TRAPPC12: variants seen among roughly 807,000 people sequenced by gnomAD.
TRAPPC12 encodes the protein TPR repeat protein 15.
A neutral mutation model predicts 69.2 loss-of-function variants in TRAPPC12; 61 were observed. The observed-to-expected ratio is 0.88, with a 90% CI of 0.72 to 1.09. The LOEUF is 1.09. Among genes scored for constraint, TRAPPC12 ranks in the 50% least tolerant of loss-of-function variants. TRAPPC12 has a pLI of 0.00. For missense variants in TRAPPC12, 1,101 were observed against 1,016.4 expected (o/e 1.08, Z -1.13); for synonymous variants, 469 against 438.9 (o/e 1.07, Z -0.86).
intron 5 of TRAPPC12, among the ~76,000 whole-genome samples, chr2:3,432,674 G>A (rs377708421): frequency 6.6e-5 from 10 of 152,210 alleles, no homozygotes; most frequent in African/African-American, 2.2e-4. Flanking sequence ...GAGAAGGCTC[G>A]TTAGTTCATC....
At position 3,473,206 on chromosome 2, in the gene TRAPPC12, G is replaced by T. The variant is rs115901523; in HGVS notation, c.1777-4489G>T. On this transcript the variant is annotated intron_variant, in intron 9 of 11. Transcript: ENST00000324266. Reference sequence around the variant, plus strand: ...GGTGAGGGGGGGTCAGGGGAAAGGAGAGCACCCCTGGGGCCGGCTCTGCTG... The same window carrying T: ...GGTGAGGGGGGGTCAGGGGAAAGGATAGCACCCCTGGGGCCGGCTCTGCTG... Among the ~76,000 whole-genome samples, 273 of 152,312 alleles carry T rather than the reference G, an allele frequency of 1.8e-3. 5 individuals carry two copies. Among genetic ancestry groups the T allele is most frequent in the East Asian group, 0.01 (53 of 5,164 alleles).
At chr2:3,472,855 G>A (rs969139737) in intron 9 of TRAPPC12, among the ~76,000 whole-genome samples, 1 of 152,156 alleles carries the variant, frequency 6.6e-6, no homozygotes, top group Admixed American at 6.5e-5. Context: ...TGACAACCAG[G>A]GACCAGGGTC....
At chr2:3,461,463 G>A (rs1033712538) in intron 8 of TRAPPC12, among the ~76,000 whole-genome samples, 10 of 152,208 alleles carry the variant, frequency 6.6e-5, no homozygotes, top group East Asian at 1.9e-4. Flanking sequence ...GGTAGCAAGC[G>A]ACCGTGACGC....
At chr2:3,438,859 T>G (rs1664041645) in intron 5 of TRAPPC12, among the ~76,000 whole-genome samples, 1 of 152,130 alleles carries the variant, frequency 6.6e-6, no homozygotes, top group Non-Finnish European at 1.5e-5. Flanking sequence ...TTGCTTCTGG[T>G]TTTTGACAAT....
intron 3 of TRAPPC12, among the ~76,000 whole-genome samples, chr2:3,405,091 G>A (rs989715055): frequency 4.6e-5 from 7 of 151,538 alleles, no homozygotes; most frequent in East Asian, 1.9e-4. Flanking sequence ...CATGGCCTGC[G>A]GAGGTGACTT....
chr2:3,476,941 C>T (rs181568278), intron 9 of TRAPPC12, among the ~76,000 whole-genome samples: 2 of 152,382 alleles, frequency 1.3e-5, no homozygotes, highest in East Asian at 3.9e-4. Flanking sequence ...GTGAGCGCGG[C>T]TTGGGCCATA....
intron 1 of TRAPPC12, among the ~76,000 whole-genome samples, chr2:3,385,122 C>T (rs1660434477): frequency 6.6e-6 from 1 of 152,060 alleles, no homozygotes; most frequent in Admixed American, 6.5e-5. Flanking sequence ...ATATGTATGT[C>T]TTCCCATTCA....
At chr2:3,463,770 C>T (rs111424152) in intron 8 of TRAPPC12, among the ~76,000 whole-genome samples, 42 of 151,978 alleles carry the variant, frequency 2.8e-4, no homozygotes, top group African/African-American at 8.4e-4. Context: ...GTGACACTGC[C>T]GGGCTGATAA....
intron 5 of TRAPPC12, among the ~76,000 whole-genome samples, chr2:3,433,567 A>G (rs1033109045): frequency 2.0e-5 from 3 of 152,206 alleles, no homozygotes; most frequent in African/African-American, 7.2e-5. Context: ...GGAAGGTAGC[A>G]TACCCCACTG....
At chr2:3,466,493 C>G (rs931547616) in intron 9 of TRAPPC12, 2 of 426,992 alleles carry the variant, frequency 4.7e-6, no homozygotes, top group African/African-American at 4.1e-5. Context: ...TATCCAGCTA[C>G]AGGAGGCCAC....
chr2:3,422,510 G>A (rs62120501), intron 4 of TRAPPC12, among the ~76,000 whole-genome samples: 25,633 of 152,238 alleles, frequency 0.17, 2,474 homozygotes, highest in Non-Finnish European at 0.22. Flanking sequence ...AGCTGCAAAC[G>A]TTGATACATT....
intron 5 of TRAPPC12, among the ~76,000 whole-genome samples, chr2:3,430,758 A>G (rs1663383907): frequency 6.6e-6 from 1 of 152,286 alleles, no homozygotes; most frequent in Non-Finnish European, 1.5e-5. Flanking sequence ...AATAAATGCA[A>G]AGAAATCATG....
At chr2:3,380,110 T>C (rs1660135979) in intron 1 of TRAPPC12, among the ~76,000 whole-genome samples, 1 of 152,158 alleles carries the variant, frequency 6.6e-6, no homozygotes, top group Non-Finnish European at 1.5e-5. Context: ...TGCAGAGGGC[T>C]GGAAGCGTCT....
At chr2:3,428,305 A>T (rs949848807) in intron 5 of TRAPPC12, among the ~76,000 whole-genome samples, 3 of 152,256 alleles carry the variant, frequency 2.0e-5, no homozygotes, top group African/African-American at 7.2e-5. Flanking sequence ...AAAGCGTATT[A>T]ACATTCATCC....
chr2:3,478,916 G>T lies in TRAPPC12; in HGVS notation c.1948G>T (p.Asp650Tyr), dbSNP rs1666418876. 6.2e-7 allele frequency: 1 copy of T among 1,614,098 alleles called. No individual in the cohort carries two copies. Among genetic ancestry groups the T allele is most frequent in the Non-Finnish European group, 8.5e-7 (1 of 1,180,030 alleles). The stretch of plus-strand genomic sequence containing the variant: ...GTTCTTCACAGAGATCTTAAGGATG[G>T]ATCCAAGAAACGCAGTGGTAAGATC... ...HRFFTEILRM[D>Y]PRNAVANNNA... The change falls in exon 11 of 12, where the codon GAT (aspartate) becomes TAT (tyrosine). Residue 650 changes from aspartate (D) to tyrosine (Y), a missense_variant. By Grantham distance (160) the Asp-to-Tyr change is radical. Coordinates refer to ENST00000324266, the MANE Select transcript of TRAPPC12 (RefSeq NM_016030.6).
chr2:3,452,954 A>C (rs1664929084), intron 6 of TRAPPC12, among the ~76,000 whole-genome samples: 1 of 152,232 alleles, frequency 6.6e-6, no homozygotes, highest in South Asian at 2.1e-4. Flanking sequence ...CATGATTTGT[A>C]AAACAGGCAT....
At chr2:3,416,564 C>T in intron 3 of TRAPPC12, among the ~76,000 whole-genome samples, 1 of 93,690 alleles carries the variant, frequency 1.1e-5, no homozygotes, top group Non-Finnish European at 2.2e-5. Context: ...TGTGCCCTCC[C>T]CCTGCCCCTT....
Position 3,387,857 on chromosome 2 carries a change from C to T in TRAPPC12, c.234C>T (p.Ser78=), listed in dbSNP as rs751047244. The part of the protein sequence containing the change: ...ESVLISDSPN[S]EGDAGDLGRV... Reference sequence around the variant, plus strand: ...TCCTCATCTCTGACTCCCCCAACAGCGAGGGCGACGCGGGCGACCTGGGCC... The same window carrying T: ...TCCTCATCTCTGACTCCCCCAACAGTGAGGGCGACGCGGGCGACCTGGGCC... Residue 78 remains serine (S), a synonymous_variant, in exon 2 of 12, where the codon AGC becomes AGT. Transcript: ENST00000324266. 1.3e-6 allele frequency: 2 copies of T among 1,599,840 alleles called. No homozygotes were observed. The highest frequency in any genetic ancestry group is 1.7e-6 in the Non-Finnish European group (2 of 1,170,050).
intron 2 of TRAPPC12, among the ~76,000 whole-genome samples, chr2:3,399,344 G>A (rs985585637): frequency 6.6e-5 from 10 of 152,200 alleles, no homozygotes; most frequent in African/African-American, 1.9e-4. Flanking sequence ...TGTCTGAGAC[G>A]AGTTGCATTT....
Sources: allele counts gnomAD v4.1 joint callset (sites outside exome capture counted in the v4.1 genomes callset), GRCh38; gene constraint gnomAD v4.1.1; transcripts MANE v1.5; gene names NCBI Gene and HGNC (gene_info 2026-07-23, HGNC 2026-07-21).